NFIB: variants seen among roughly 807,000 people sequenced by gnomAD.
The protein encoded by NFIB is nuclear factor 1 B-type.
In NFIB, 11 loss-of-function variants were observed where a neutral mutation model predicts 61.5. The observed-to-expected ratio is 0.18, with a 90% CI of 0.11 to 0.30. The LOEUF is 0.30. Ranked by LOEUF, NFIB falls within the 10% of genes least tolerant of loss-of-function variation. The pLI is 1.00. For synonymous variants in NFIB, 260 were observed against 216.5 expected (o/e 1.20, Z -1.76); for missense variants, 471 against 608.9 (o/e 0.77, Z 2.38).
At chr9:14,297,782 T>C (rs1318195100) in intron 2 of NFIB, among the ~76,000 whole-genome samples, 1 of 152,222 alleles carries the variant, frequency 6.6e-6, no homozygotes, top group Non-Finnish European at 1.5e-5. Flanking sequence ...AAATATTTAA[T>C]CTGGCAAATA....
At chr9:14,353,074 T>C (rs540109926) in intron 1 of NFIB, among the ~76,000 whole-genome samples, 7 of 152,250 alleles carry the variant, frequency 4.6e-5, no homozygotes, top group Non-Finnish European at 8.8e-5. Context: ...GCAGTTATCC[T>C]GCTTGGGGTG....
At chr9:14,395,648 G>A (rs1301047915) in intron 1 of NFIB, among the ~76,000 whole-genome samples, 1 of 150,860 alleles carries the variant, frequency 6.6e-6, no homozygotes, top group Non-Finnish European at 1.5e-5. Flanking sequence ...CCAACCCAGT[G>A]GTTGCCTTGC....
chr9:14,367,058 C>T (rs1449290256), intron 1 of NFIB, among the ~76,000 whole-genome samples: 2 of 152,168 alleles, frequency 1.3e-5, no homozygotes, highest in African/African-American at 2.4e-5. Flanking sequence ...TAAGAGTCCA[C>T]TAACCCTGAG....
intron 6 of NFIB, among the ~76,000 whole-genome samples, chr9:14,142,583 C>G (rs1043005256): frequency 1.8e-4 from 27 of 151,584 alleles, no homozygotes; most frequent in African/African-American, 6.5e-4. Flanking sequence ...AAAGATTGCT[C>G]TAAAGAAAAA....
intron 2 of NFIB, among the ~76,000 whole-genome samples, chr9:14,259,749 A>C (rs2056569713): frequency 6.6e-6 from 1 of 151,956 alleles, no homozygotes. Flanking sequence ...AAAAATACAA[A>C]AAAAAATTAG....
chr9:14,092,675 A>C (rs1369129650), intron 10 of NFIB, among the ~76,000 whole-genome samples: 1 of 152,094 alleles, frequency 6.6e-6, no homozygotes, highest in African/African-American at 2.4e-5. Flanking sequence ...GTTGCGAAAG[A>C]GACTAGTGCA....
intron 6 of NFIB, among the ~76,000 whole-genome samples, chr9:14,140,075 T>C (rs1031660070): frequency 1.3e-5 from 2 of 152,216 alleles, no homozygotes; most frequent in African/African-American, 2.4e-5. Context: ...AGCTCTCTTT[T>C]TTTCTGGTTC....
chr9:14,460,634 A>T, the NFIB span, among the ~76,000 whole-genome samples: 1 of 152,252 alleles, frequency 6.6e-6, no homozygotes, highest in Non-Finnish European at 1.5e-5. Context: ...CATCAATCAT[A>T]TTCTATGTAT....
the NFIB span, among the ~76,000 whole-genome samples, chr9:14,444,100 C>A: frequency 3.9e-5 from 6 of 152,116 alleles, no homozygotes; most frequent in Non-Finnish European, 5.9e-5. Flanking sequence ...TGGCCCTAAT[C>A]ATGCGAAAGT....
chr9:14,204,719 T>C (rs1204504175), intron 2 of NFIB: 1 of 598,276 alleles, frequency 1.7e-6, no homozygotes, highest in Non-Finnish European at 3.0e-6. Flanking sequence ...GGTGATTGCA[T>C]ACAACATGGA....
chr9:14,232,598 G>A (rs149482688), intron 2 of NFIB, among the ~76,000 whole-genome samples: 3 of 152,170 alleles, frequency 2.0e-5, no homozygotes, highest in Non-Finnish European at 2.9e-5. Context: ...TGTGAGAAAC[G>A]AAGTCTGGAA....
At chr9:14,105,616 G>A (rs1270680956) in intron 10 of NFIB, among the ~76,000 whole-genome samples, 3 of 151,994 alleles carry the variant, frequency 2.0e-5, no homozygotes, top group East Asian at 3.9e-4. Context: ...TGATGGTATG[G>A]GTGGGGGATG....
the NFIB span, among the ~76,000 whole-genome samples, chr9:14,513,400 C>A: frequency 0.76 from 114,973 of 151,922 alleles, 43,724 homozygotes; most frequent in Non-Finnish European, 0.8. Flanking sequence ...GAGGCTGAGG[C>A]GGGCAGATCA....
At chr9:14,179,395 T>C (rs948921585) in intron 3 of NFIB, among the ~76,000 whole-genome samples, 2 of 152,202 alleles carry the variant, frequency 1.3e-5, no homozygotes, top group African/African-American at 2.4e-5. Flanking sequence ...CATTTTCTTA[T>C]GAGTTTTAAA....
the NFIB span, among the ~76,000 whole-genome samples, chr9:14,502,753 G>C: frequency 6.6e-6 from 1 of 151,634 alleles, no homozygotes; most frequent in South Asian, 2.1e-4. Context: ...TATTTCAATA[G>C]GTTTTCGGGA....
At chr9:14,476,572 T>A in the NFIB span, among the ~76,000 whole-genome samples, 1 of 152,234 alleles carries the variant, frequency 6.6e-6, no homozygotes, top group Non-Finnish European at 1.5e-5. Flanking sequence ...TTCTAGATGC[T>A]TTTTATTGCT....
the NFIB span, among the ~76,000 whole-genome samples, chr9:14,472,144 G>C: frequency 6.6e-6 from 1 of 152,198 alleles, no homozygotes; most frequent in Admixed American, 6.5e-5. Flanking sequence ...CTGAAATTTT[G>C]AGGTCTATGT....
the NFIB span, among the ~76,000 whole-genome samples, chr9:14,420,202 T>G: frequency 6.6e-6 from 1 of 151,962 alleles, no homozygotes; most frequent in African/African-American, 2.4e-5. Flanking sequence ...ATCCCAGCAC[T>G]TTGGGAGGCC....
At chr9:14,324,288 CAA>C (rs1367047452) in intron 1 of NFIB, among the ~76,000 whole-genome samples, 1 of 151,874 alleles carries the variant, frequency 6.6e-6, no homozygotes, top group Non-Finnish European at 1.5e-5. Context: ...ACTAAGGAAA[CAA>C]ATATAAAATA....
Sources: gnomAD v4.1 joint callset for allele counts (sites outside exome capture counted in the v4.1 genomes callset) on GRCh38, gnomAD v4.1.1 for gene constraint, MANE v1.5 for transcripts, NCBI Gene and HGNC (gene_info 2026-07-23, HGNC 2026-07-21) for gene names.